RPS6KA2: variants seen among roughly 807,000 people sequenced by gnomAD.
RPS6KA2 encodes ribosomal protein S6 kinase A2, also known as ribosomal protein S6 kinase alpha-2.
Under a neutral mutation model 91.8 loss-of-function variants are expected in RPS6KA2, and 42 were observed. The observed-to-expected ratio is 0.46, with a 90% confidence interval of 0.36 to 0.59. The LOEUF (loss-of-function observed/expected upper bound fraction) is 0.59, where lower values mean the gene tolerates loss of function less well. Among genes scored for constraint, RPS6KA2 ranks in the 20% least tolerant of loss-of-function variants. RPS6KA2 has a pLI of 0.00. For synonymous variants in RPS6KA2, 414 were observed against 393.6 expected (o/e 1.05, Z -0.61); for missense variants, 798 against 978.5 (o/e 0.82, Z 2.46).
intron 1 of RPS6KA2, among the ~76,000 whole-genome samples, chr6:166,558,601 C>T (rs556011021): frequency 5.9e-5 from 9 of 152,188 alleles, no homozygotes; most frequent in African/African-American, 9.6e-5. Context: ...GAGAGGCAAG[C>T]GGTGTCTCAG....
intron 2 of RPS6KA2, among the ~76,000 whole-genome samples, chr6:166,638,815 A>G (rs1787330776): frequency 6.6e-6 from 1 of 152,176 alleles, no homozygotes; most frequent in Admixed American, 6.5e-5. Context: ...AACCCTCTAC[A>G]GTGTACAGGA....
intron 1 of RPS6KA2, among the ~76,000 whole-genome samples, chr6:166,625,323 A>ACCCCCCCCCCCCCC (rs1338733933): frequency 9.9e-5 from 3 of 30,350 alleles, no homozygotes; most frequent in African/African-American, 1.5e-4. Context: ...TATTCCCACC[A>ACCCCCCCCCCCCCC]CCCCCCCACC....
intron 2 of RPS6KA2, among the ~76,000 whole-genome samples, chr6:166,745,721 G>C (rs1397686590): frequency 2.0e-5 from 3 of 152,156 alleles, no homozygotes; most frequent in Admixed American, 2.0e-4. Context: ...AAAATGCTGA[G>C]AGCTGGCAGC....
chr6:166,438,364 G>A (rs1236967583), intron 14 of RPS6KA2, among the ~76,000 whole-genome samples: 1 of 152,214 alleles, frequency 6.6e-6, no homozygotes, highest in Non-Finnish European at 1.5e-5. Flanking sequence ...AGTACAGACT[G>A]GAGCCTCCTC....
At chr6:166,755,604 C>T (rs1017457659) in intron 2 of RPS6KA2, among the ~76,000 whole-genome samples, 2 of 152,104 alleles carry the variant, frequency 1.3e-5, no homozygotes, top group African/African-American at 4.8e-5. Context: ...GGGGTCCTTT[C>T]GACACGCACC....
chr6:166,641,341 C>T (rs551101303), intron 2 of RPS6KA2, among the ~76,000 whole-genome samples: 2 of 152,004 alleles, frequency 1.3e-5, no homozygotes, highest in African/African-American at 4.8e-5. Context: ...TGAAGCATTA[C>T]AAGAAAACAA....
chr6:166,756,332 A>G (rs1467410651), intron 2 of RPS6KA2, among the ~76,000 whole-genome samples: 1 of 152,168 alleles, frequency 6.6e-6, no homozygotes, highest in African/African-American at 2.4e-5. Context: ...TTGGAAAGTC[A>G]CAGATTTTCT....
At chr6:166,820,146 T>G (rs1050200692) in intron 2 of RPS6KA2, among the ~76,000 whole-genome samples, 4 of 152,186 alleles carry the variant, frequency 2.6e-5, no homozygotes, top group Admixed American at 2.6e-4. Context: ...CCAGGGGACA[T>G]GTACATATAG....
intron 6 of RPS6KA2, among the ~76,000 whole-genome samples, chr6:166,501,680 G>A (rs931105423): frequency 6.6e-6 from 1 of 152,226 alleles, no homozygotes; most frequent in African/African-American, 2.4e-5. Context: ...CTTCTTCCCT[G>A]AACATCAGGC....
intron 5 of RPS6KA2, among the ~76,000 whole-genome samples, chr6:166,505,503 C>CAATGTTATG: frequency 6.6e-6 from 1 of 152,238 alleles, no homozygotes; most frequent in Non-Finnish European, 1.5e-5. Flanking sequence ...CAGGAGAAAT[C>CAATGTTATG]AATGTTATGG....
chr6:166,598,408 T>C (rs190445234), intron 1 of RPS6KA2, among the ~76,000 whole-genome samples: 58 of 152,336 alleles, frequency 3.8e-4, no homozygotes, highest in African/African-American at 1.2e-3. Flanking sequence ...TATGGATGAA[T>C]TAAATGGTTT....
chr6:166,657,252 A>G (rs991312049), intron 2 of RPS6KA2, among the ~76,000 whole-genome samples: 6 of 152,156 alleles, frequency 3.9e-5, no homozygotes, highest in Non-Finnish European at 8.8e-5. Context: ...GCAAAGTTAG[A>G]TAAGGGAATG....
At chr6:166,416,097 C>T (rs1410838454) in intron 19 of RPS6KA2, among the ~76,000 whole-genome samples, 2 of 151,278 alleles carry the variant, frequency 1.3e-5, no homozygotes, top group African/African-American at 2.4e-5. Flanking sequence ...TCCTCCATCA[C>T]CTCCACCATC....
rs1779381150 is a variant in RPS6KA2, at chr6:166,437,775, CG to C, written c.1333-5286del. Among the ~76,000 whole-genome samples the C allele has an allele frequency of 2.6e-5, 4 of 152,164 alleles. No individual in the cohort carries two copies. The highest frequency in any genetic ancestry group is 4.4e-5 in the Non-Finnish European group (3 of 68,032). On this transcript the variant is annotated intron_variant, in intron 14 of 20. Transcript: ENST00000265678. The surrounding 1 kb of genome is among the most constrained non-coding windows in gnomAD (Gnocchi z 4.3). ...AACAAACACTGCCATTCCTGCTGGC[CG>C]AAGGCGACAACAGGAGACTTCGCTG...
At position 166,626,959 on chromosome 6, in the gene RPS6KA2, T is replaced by C. The variant is rs756812092; in HGVS notation, c.61A>G (p.Lys21Glu). The C allele has an allele frequency of 7.7e-6, 12 of 1,565,838 alleles. No homozygotes were observed. The South Asian group carries it at 1.4e-4, about 18-fold the overall frequency. The change falls in exon 1 of 21, where the codon AAG becomes GAG. Residue 21 changes from lysine to glutamate, a missense_variant. Transcript: ENST00000265678. This position sits in a 1 kb window ranked among gnomAD's most constrained non-coding sequence, Gnocchi z 4.1. ...AGGCTGGAGCTCTTGGAGCGCGACT[T>C]CCTGCGCAGGTACACAGAGAAGAAC... is the stretch of plus-strand genomic sequence containing the variant. ...RRFFSVYLRR[K>E]SRSKSSSLSR...
chr6:166,450,810 A>C (rs1158354359), intron 13 of RPS6KA2, among the ~76,000 whole-genome samples: 7 of 151,470 alleles, frequency 4.6e-5, no homozygotes, highest in Non-Finnish European at 4.4e-5. Flanking sequence ...GGGGACCGTC[A>C]CAGGGACCAC....
intron 10 of RPS6KA2, among the ~76,000 whole-genome samples, chr6:166,476,195 A>C (rs1486498808): frequency 6.6e-6 from 1 of 152,194 alleles, no homozygotes; most frequent in Non-Finnish European, 1.5e-5. Flanking sequence ...ATTCACAGCC[A>C]GGGGTGTCAA....
At chr6:166,651,757 C>T (rs1384805173) in intron 2 of RPS6KA2, among the ~76,000 whole-genome samples, 1 of 152,240 alleles carries the variant, frequency 6.6e-6, no homozygotes, top group South Asian at 2.1e-4. Flanking sequence ...CTCACAGGCA[C>T]GTATACAACA....
chr6:166,423,040 A>G lies in RPS6KA2; in HGVS notation c.1743+216T>C, dbSNP rs549127506. 6.6e-6 allele frequency among the ~76,000 whole-genome samples: 1 copy of G among 152,166 alleles called. No individual in the cohort carries two copies. Among genetic ancestry groups the G allele is most frequent in the Admixed American group, 6.5e-5 (1 of 15,280 alleles). Reference sequence around the variant, plus strand: ...ATGTTACTGTTGAAAAGTTTTTTCAAATGGGAAAATGAGAATGATAAGAAC... The same window carrying G: ...ATGTTACTGTTGAAAAGTTTTTTCAGATGGGAAAATGAGAATGATAAGAAC... On this transcript the variant is annotated intron_variant, in intron 17 of 20. Transcript: ENST00000265678. This position sits in a 1 kb window ranked among gnomAD's most constrained non-coding sequence, Gnocchi z 4.8.
Sources: allele counts gnomAD v4.1 joint callset (sites outside exome capture counted in the v4.1 genomes callset), GRCh38; gene constraint gnomAD v4.1.1; non-coding constraint Gnocchi (gnomAD v3.1); transcripts MANE v1.5; gene names NCBI Gene and HGNC (gene_info 2026-07-23, HGNC 2026-07-21).